Variants in HIPK3 observed in about 807,000 individuals in gnomAD.
HIPK3 encodes homeodomain-interacting protein kinase 3.
In HIPK3, 47 loss-of-function variants were observed where a neutral mutation model predicts 124.2. That is an observed-to-expected ratio of 0.38 (90% confidence interval 0.30 to 0.48). The LOEUF (loss-of-function observed/expected upper bound fraction) is 0.48, where lower values mean the gene tolerates loss of function less well. HIPK3 is among the 20% of genes least tolerant of loss of function. The probability of loss-of-function intolerance (pLI) is 0.98; values close to 1 mark genes in which losing one functional copy is unlikely to be tolerated. For synonymous variants in HIPK3, 482 were observed against 515.2 expected (o/e 0.94, Z 0.87); for missense variants, 1,286 against 1,454.3 (o/e 0.88, Z 1.88).
At position 33,296,600 on chromosome 11, in the gene HIPK3, A is replaced by G. The variant is rs543560722; in HGVS notation, c.1097+9089A>G. ...CGCTCATTTTATGTCACTTTTTGGTAATTAATGATATTTCAAACTTTATTA... is the reference window on the plus strand; with the variant it reads ...CGCTCATTTTATGTCACTTTTTGGTGATTAATGATATTTCAAACTTTATTA... On this transcript the variant is annotated intron_variant, in intron 2 of 16. Transcript: ENST00000303296. Among the ~76,000 whole-genome samples, 218 of 152,312 alleles carry G rather than the reference A, an allele frequency of 1.4e-3. 2 individuals carry two copies. The highest frequency in any genetic ancestry group is 5.0e-3 in the African/African-American group (206 of 41,572).
intron 1 of HIPK3, among the ~76,000 whole-genome samples, chr11:33,259,553 A>T (rs957047136): frequency 2.0e-5 from 3 of 152,194 alleles, no homozygotes; most frequent in Non-Finnish European, 4.4e-5. Flanking sequence ...AGCCAGATAC[A>T]GTTATTTAGT....
At chr11:33,304,264 A>G (rs1408424618) in intron 2 of HIPK3, among the ~76,000 whole-genome samples, 1 of 152,232 alleles carries the variant, frequency 6.6e-6, no homozygotes, top group Non-Finnish European at 1.5e-5. Context: ...AAATTAAAAA[A>G]GTAATGGAAG....
In HIPK3 at chr11:33,338,783, A is replaced by G. The variant is rs1173032912; in HGVS notation, c.1368A>G (p.Thr456=). The G allele has an allele frequency of 1.2e-6, 2 of 1,611,940 alleles. No individual in the cohort carries two copies. The highest frequency in any genetic ancestry group is 1.7e-6 in the Non-Finnish European group (2 of 1,178,478). The change falls in exon 5 of 17, where the codon ACA becomes ACG. Residue 456 remains threonine, a synonymous_variant. Coordinates refer to ENST00000303296, the MANE Select transcript of HIPK3 (RefSeq NM_005734.5). The part of the protein sequence containing the change: ...LKTLEEHEAE[T]GMKSKEARKY... ...CATTGGAAGAGCATGAGGCAGAGAC[A>G]GGAATGAAGTCTAAAGAAGCCAGAA... is the stretch of plus-strand genomic sequence containing the variant.
At chr11:33,332,843 C>G (rs1853027923) in intron 3 of HIPK3, among the ~76,000 whole-genome samples, 1 of 152,164 alleles carries the variant, frequency 6.6e-6, no homozygotes, top group Non-Finnish European at 1.5e-5. Context: ...TTAATTGGCT[C>G]ACAGTTCTGC....
At chr11:33,269,216 G>A (rs1424417239) in intron 1 of HIPK3, among the ~76,000 whole-genome samples, 2 of 152,084 alleles carry the variant, frequency 1.3e-5, no homozygotes, top group African/African-American at 2.4e-5. Flanking sequence ...CTTTATTCCT[G>A]CCTCTTTTTT....
intron 2 of HIPK3, among the ~76,000 whole-genome samples, chr11:33,291,061 A>G (rs1416196897): frequency 1.3e-5 from 2 of 152,200 alleles, no homozygotes. Context: ...AGAGTTAGTA[A>G]GTATTCAGGT....
At position 33,268,260 on chromosome 11, in the gene HIPK3, C is replaced by T. The variant is rs139914757; in HGVS notation, c.-3+10371C>T. Among the ~76,000 whole-genome samples the T allele has an allele frequency of 4.2e-3, 632 of 152,144 alleles. 1 individual carries two copies. Among genetic ancestry groups the T allele is most frequent in the African/African-American group, 0.014 (581 of 41,510 alleles). On this transcript the variant is annotated intron_variant, in intron 1 of 16. Coordinates refer to ENST00000303296, the MANE Select transcript of HIPK3 (RefSeq NM_005734.5). ...AAACAGTATTCTTAATTAAATTTGA[C>T]AATTTGGCAACATTTTGATATTTTA...
intron 2 of HIPK3, among the ~76,000 whole-genome samples, chr11:33,325,393 C>G (rs1852780252): frequency 6.6e-6 from 1 of 152,056 alleles, no homozygotes; most frequent in Non-Finnish European, 1.5e-5. Flanking sequence ...AATCATAAAA[C>G]TTTTATACAC....
chr11:33,317,435 A>T (rs1028007466), intron 2 of HIPK3, among the ~76,000 whole-genome samples: 16 of 151,830 alleles, frequency 1.1e-4, no homozygotes, highest in Non-Finnish European at 1.9e-4. Context: ...TAATATTTTT[A>T]AAAAATTGTT....
intron 1 of HIPK3, among the ~76,000 whole-genome samples, chr11:33,274,190 G>A (rs920964893): frequency 1.3e-5 from 2 of 152,050 alleles, no homozygotes; most frequent in African/African-American, 4.8e-5. Context: ...GTGGGCATTC[G>A]GTCAAATTAT....
Position 33,339,478 on chromosome 11 carries a change from C to A in HIPK3, c.1557C>A (p.Thr519=). The change falls in exon 6 of 17, where the codon ACC becomes ACA. Residue 519 remains threonine, a synonymous_variant. Transcript: ENST00000303296. ...ATTTAAGAATTACTCCAGCTGAGAC[C>A]CTGAACCATCCTTTTGTTAATATGA... ...DADLRITPAE[T]LNHPFVNMKH... 1 of 1,611,524 alleles carries A rather than the reference C, an allele frequency of 6.2e-7. No individual in the cohort carries two copies. Among genetic ancestry groups the A allele is most frequent in the South Asian group, 1.1e-5 (1 of 90,786 alleles).
intron 2 of HIPK3, among the ~76,000 whole-genome samples, chr11:33,312,473 A>G (rs1353179419): frequency 6.6e-6 from 1 of 152,166 alleles, no homozygotes; most frequent in Non-Finnish European, 1.5e-5. Flanking sequence ...ATTAAAATGG[A>G]ATGTATTTGG....
chr11:33,344,143 C>G (rs1853425189), intron 8 of HIPK3, among the ~76,000 whole-genome samples: 1 of 152,198 alleles, frequency 6.6e-6, no homozygotes, highest in Non-Finnish European at 1.5e-5. Flanking sequence ...TACCTACCTA[C>G]AGTGCACATA....
chr11:33,314,364 G>T (rs548257046), intron 2 of HIPK3, among the ~76,000 whole-genome samples: 2 of 152,188 alleles, frequency 1.3e-5, no homozygotes, highest in Non-Finnish European at 1.5e-5. Context: ...CACAGAATCT[G>T]ACTCTAGGCT....
At chr11:33,264,913 A>G (rs1011291008) in intron 1 of HIPK3, among the ~76,000 whole-genome samples, 3 of 152,314 alleles carry the variant, frequency 2.0e-5, no homozygotes, top group East Asian at 3.9e-4. Context: ...GCATATTTCA[A>G]TTACATGTTA....
chr11:33,333,032 G>T (rs1254529427), intron 3 of HIPK3, among the ~76,000 whole-genome samples: 1 of 151,998 alleles, frequency 6.6e-6, no homozygotes, highest in Non-Finnish European at 1.5e-5. Context: ...ACTGTTGGGG[G>T]GACAGCACCA....
At chr11:33,315,525 T>C (rs266458) in intron 2 of HIPK3, among the ~76,000 whole-genome samples, 103,207 of 152,020 alleles carry the variant, frequency 0.68, 35,200 homozygotes, top group Non-Finnish European at 0.72. Context: ...GCGCCTGGCC[T>C]TAGCTAAGTT....
Position 33,339,483 on chromosome 11 carries a change from A to G in HIPK3, c.1562A>G (p.Asn521Ser), listed in dbSNP as rs1853265950. 1.2e-6 allele frequency: 2 copies of G among 1,611,866 alleles called. No homozygotes were observed. The highest frequency in any genetic ancestry group is 2.2e-5 in the South Asian group (2 of 90,830). Residue 521 changes from asparagine (N) to serine (S), a missense_variant, in exon 6 of 17, where the codon AAC (asparagine) becomes AGC (serine). Asn to Ser is a conservative substitution (Grantham distance 46). Around this residue, in one of 3 missense-constraint regions of HIPK3, gnomAD observed 810 missense variants for 864.9 expected, o/e 0.94. Coordinates refer to ENST00000303296, the MANE Select transcript of HIPK3 (RefSeq NM_005734.5). ...AGAATTACTCCAGCTGAGACCCTGA[A>G]CCATCCTTTTGTTAATATGAAACAT... ...DLRITPAETL[N>S]HPFVNMKHLL...
chr11:33,343,281 G>GTGTGTA lies in HIPK3; in HGVS notation c.1897+1600_1897+1601insATGTGT, dbSNP rs1554968553. On this transcript the variant is annotated intron_variant, in intron 8 of 16. Coordinates refer to ENST00000303296, the MANE Select transcript of HIPK3 (RefSeq NM_005734.5). The stretch of plus-strand genomic sequence containing the variant: ...TGTGTGTGTGTGTGTGTGTGTGTGT[G>GTGTGTA]TGTGTGTGTCTTTTTTTGAGATAGT... Among the ~76,000 whole-genome samples, 240 of 150,498 alleles carry GTGTGTA rather than the reference G, an allele frequency of 1.6e-3. 1 individual carries two copies. The highest frequency in any genetic ancestry group is 5.1e-3 in the African/African-American group (207 of 40,394).
Sources: gnomAD v4.1 joint callset for allele counts (sites outside exome capture counted in the v4.1 genomes callset) on GRCh38, gnomAD v4.1.1 for gene constraint, gnomAD v4.1.1 regional missense constraint, MANE v1.5 for transcripts, NCBI Gene and HGNC (gene_info 2026-07-23, HGNC 2026-07-21) for gene names.